Variants in PHF1 observed in about 807,000 individuals in gnomAD.
PHF1 encodes the protein PHD finger protein 1, also known as polycomb-like 1.
In PHF1, 16 loss-of-function variants were observed where a neutral mutation model predicts 69.4. The ratio of observed to expected loss-of-function variants is 0.23; its 90% CI spans 0.16 to 0.35. The LOEUF is 0.35. Among genes scored for constraint, PHF1 ranks in the 10% least tolerant of loss-of-function variants. The probability of loss-of-function intolerance (pLI) is 1.00; values close to 1 mark genes in which losing one functional copy is unlikely to be tolerated. For synonymous variants in PHF1, 274 were observed against 275.0 expected, an observed-to-expected ratio of 1.00 and a Z score of 0.04; for missense variants, 515 against 732.8, an observed-to-expected ratio of 0.70 and a Z score of 3.43.
rs751896764 is a variant in PHF1, at chr6:33,412,830, C to G, written c.337+37C>G. The G allele has an allele frequency of 3.2e-6, 5 of 1,551,054 alleles. No homozygotes were observed. The highest frequency in any genetic ancestry group is 2.7e-6 in the Non-Finnish European group (3 of 1,123,046). ...GGTCACCTGAATGGTCCAGCTTGCT[C>G]TTCCCTCCAGGATGGTCTCTATATC... On this transcript the variant is annotated intron_variant, in intron 4 of 14. Transcript: ENST00000374516. The surrounding 1 kb of genome is among the most constrained non-coding windows in gnomAD (Gnocchi z 4.2).
Position 33,415,031 on chromosome 6 carries a change from C to G in PHF1, c.1126C>G (p.Leu376Val). ...GKRRRPEPEP[L>V]RRRQKGKVEE... ...GCGCCGGAGGCCGGAGCCAGAGCCC[C>G]TGAGGAGGAGGCAGAAGGGGAAAGT... Residue 376 changes from leucine (L) to valine (V), a missense_variant, in exon 12 of 15, where the codon CTG becomes GTG. By Grantham distance (32) the Leu-to-Val change is conservative (BLOSUM62 1). Coordinates refer to ENST00000374516, the MANE Select transcript of PHF1 (RefSeq NM_024165.3). The G allele has an allele frequency of 6.3e-7, 1 of 1,585,566 alleles. No individual in the cohort carries two copies. Among genetic ancestry groups the G allele is most frequent in the African/African-American group, 1.4e-5 (1 of 74,018 alleles).
chr6:33,415,466 G>A (rs1187561375), intron 13 of PHF1, 124 bp from the exon 14 acceptor site: 7 of 1,241,700 alleles, frequency 5.6e-6, no homozygotes, highest in Middle Eastern at 2.1e-4. Context: ...TAGAACTAGT[G>A]TCTGGTAGCC....
Position 33,414,147 on chromosome 6 carries a change from A to T in PHF1, c.752+38A>T. 1 of 1,613,774 alleles carries T rather than the reference A, an allele frequency of 6.2e-7. No individual in the cohort carries two copies. ...GGGCATGACCTCAGTGTAACTCCAC[A>T]CCACAGTATTTCACTCTATATGCCC... On this transcript the variant is annotated intron_variant, in intron 8 of 14. Coordinates refer to ENST00000374516, the MANE Select transcript of PHF1 (RefSeq NM_024165.3). The surrounding 1 kb of genome is among the most constrained non-coding windows in gnomAD (Gnocchi z 5.0).
intron 1 of PHF1, among the ~76,000 whole-genome samples, chr6:33,411,565 A>G (rs1776065371): frequency 6.6e-6 from 1 of 152,212 alleles, no homozygotes; most frequent in Non-Finnish European, 1.5e-5. Flanking sequence ...TCTCTGGGCA[A>G]CAGGACACCC....
At position 33,414,090 on chromosome 6, in the gene PHF1, C is replaced by G; in HGVS notation, c.733C>G (p.Arg245Gly). ...GTGTCGCGGGGGCCCTGAGAAAGTC[C>G]GGAGACTACAGCTTCGCTGGTGAGC... Reference protein sequence around the residue: ...CVCRGGPEKVRRLQLRWVDVA... With the variant: ...CVCRGGPEKVGRLQLRWVDVA... Residue 245 changes from arginine to glycine, a missense_variant, in exon 8 of 15, where the codon CGG (arginine) becomes GGG (glycine). Arg to Gly is a moderately radical substitution (Grantham distance 125). Coordinates refer to ENST00000374516, the MANE Select transcript of PHF1 (RefSeq NM_024165.3). The surrounding 1 kb of genome is among the most constrained non-coding windows in gnomAD (Gnocchi z 5.0). 6.2e-7 allele frequency: 1 copy of G among 1,614,094 alleles called. No homozygotes were observed. Among genetic ancestry groups the G allele is most frequent in the Non-Finnish European group, 8.5e-7 (1 of 1,180,028 alleles).
In PHF1 at chr6:33,414,074, G is replaced by A. The variant is rs765206511; in HGVS notation, c.717G>A (p.Gly239=). 1.9e-6 allele frequency: 3 copies of A among 1,614,072 alleles called. No individual in the cohort carries two copies. The highest frequency in any genetic ancestry group is 2.5e-6 in the Non-Finnish European group (3 of 1,180,034). The change falls in exon 8 of 15, where the codon GGG becomes GGA. Residue 239 remains glycine (G), a synonymous_variant. Coordinates refer to ENST00000374516, the MANE Select transcript of PHF1 (RefSeq NM_024165.3). The surrounding 1 kb of genome is among the most constrained non-coding windows in gnomAD (Gnocchi z 5.0). The stretch of plus-strand genomic sequence containing the variant: ...AATTTGAATGCTGTGTGTGTCGCGG[G>A]GGCCCTGAGAAAGTCCGGAGACTAC... ...FYEFECCVCR[G]GPEKVRRLQL...
chr6:33,413,988 G>C (rs1434573950), intron 7 of PHF1, 53 bp from the exon 8 acceptor site: 1 of 1,607,006 alleles, frequency 6.2e-7, no homozygotes, highest in East Asian at 2.2e-5. Context: ...TCTTCCAGGG[G>C]ATGGCACAGT....
At chr6:33,413,349 C>G (rs1776219618) in intron 5 of PHF1, 53 bp downstream of exon 5, 2 of 1,611,474 alleles carry the variant, frequency 1.2e-6, no homozygotes, top group Non-Finnish European at 1.7e-6. Flanking sequence ...TCCACAGCCT[C>G]TCCCAAGCCT....
Position 33,414,495 on chromosome 6 carries a change from G to A in PHF1, c.895G>A (p.Gly299Arg), listed in dbSNP as rs753037757. The A allele has an allele frequency of 1.9e-6, 3 of 1,614,050 alleles. No homozygotes were observed. The Admixed American group carries it at 5.0e-5, about 27-fold the overall frequency. Reference protein sequence around the residue: ...LLGELSDTPKGERSSRLLSAL... With the variant: ...LLGELSDTPKRERSSRLLSAL... The stretch of plus-strand genomic sequence containing the variant: ...CTCCCAGCTTTCAGACACCCCCAAA[G>A]GAGAACGTTCTTCCAGGCTCCTCTC... The change falls in exon 10 of 15, where the codon GGA (glycine) becomes AGA (arginine). Residue 299 changes from glycine (G) to arginine (R), a missense_variant. Physicochemically the swap from Gly to Arg is moderately radical, Grantham distance 125. This residue lies in a region of PHF1 where 142 missense variants were observed against 309.7 expected (regional missense o/e 0.46). Coordinates refer to ENST00000374516, the MANE Select transcript of PHF1 (RefSeq NM_024165.3). This position sits in a 1 kb window ranked among gnomAD's most constrained non-coding sequence, Gnocchi z 5.0.
Position 33,414,549 on chromosome 6 carries a change from G to A in PHF1, c.944+5G>A. 1 of 1,613,792 alleles carries A rather than the reference G, an allele frequency of 6.2e-7. No individual in the cohort carries two copies. Among genetic ancestry groups the A allele is most frequent in the Non-Finnish European group, 8.5e-7 (1 of 1,179,690 alleles). On this transcript the variant is annotated splice_donor_5th_base_variant and intron_variant, in intron 10 of 14. Coordinates refer to ENST00000374516, the MANE Select transcript of PHF1 (RefSeq NM_024165.3). This position sits in a 1 kb window ranked among gnomAD's most constrained non-coding sequence, Gnocchi z 5.0. ...TCTTAACAGCCACAAGGACCGGTGA[G>A]TTGGAGGGAAGAGGAGGCAAGGATG... is the stretch of plus-strand genomic sequence containing the variant.
rs1776031155 is a variant in PHF1 at position 33,411,225 on chromosome 6, C to G, written c.-17+10C>G. Reference sequence around the variant, plus strand: ...GCCCCAGCTGTCACCGGTAAGGAGGCGGCAGGAGGCGCTGGTGGGGGGCAG... The same window carrying G: ...GCCCCAGCTGTCACCGGTAAGGAGGGGGCAGGAGGCGCTGGTGGGGGGCAG... On this transcript the variant is annotated intron_variant, in intron 1 of 14. Transcript: ENST00000374516. 6.6e-6 allele frequency: 1 copy of G among 152,120 alleles called. No homozygotes were observed. Among genetic ancestry groups the G allele is most frequent in the African/African-American group, 2.4e-5 (1 of 41,410 alleles). The allele number at this position is 152,120 out of a possible 1,614,324, so 9.4% of individuals were successfully genotyped here. A position where few individuals can be genotyped will look rare whatever the true frequency, so the allele number is the denominator to read the frequency against.
Position 33,413,311 on chromosome 6 carries a change from C to T in PHF1, c.438+15C>T, listed in dbSNP as rs370305108. 1.1e-5 allele frequency: 17 copies of T among 1,612,142 alleles called. No individual in the cohort carries two copies. The African/African-American group carries it at 1.2e-4, about 11-fold the overall frequency. ...TCGCCACCAAGGTAAAGGCACTTCCCTGTTACCCTTCCTGTGGGAGCCTCC... is the reference window on the plus strand; with the variant it reads ...TCGCCACCAAGGTAAAGGCACTTCCTTGTTACCCTTCCTGTGGGAGCCTCC... On this transcript the variant is annotated intron_variant, in intron 5 of 14. Transcript: ENST00000374516.
Position 33,416,124 on chromosome 6 carries a change from A to G in PHF1, c.*26A>G, listed in dbSNP as rs528546642. The G allele has an allele frequency of 6.6e-7, 1 of 1,509,388 alleles. No homozygotes were observed. The highest frequency in any genetic ancestry group is 8.8e-7 in the Non-Finnish European group (1 of 1,132,132). 93.5% of individuals were successfully genotyped at this position (1,509,388 alleles called of 1,614,324 possible). On this transcript the variant is annotated 3_prime_UTR_variant, in exon 15 of 15. Transcript: ENST00000374516. ...ACAGCCTGCCTCTGCCCAGCTCCCC[A>G]TTCACACACACCGGCACTTTCATAC... is the stretch of plus-strand genomic sequence containing the variant.
chr6:33,414,865 GGT>G lies in PHF1; in HGVS notation c.1049+39_1049+40del. 1.3e-6 allele frequency: 2 copies of G among 1,596,808 alleles called. No homozygotes were observed. The highest frequency in any genetic ancestry group is 1.7e-6 in the Non-Finnish European group (2 of 1,167,870). ...CAGGGGGGATGGGGGAAATTCTCAG[GGT>G]GTTAGTCCTGGGGGGTATATGTATA... On this transcript the variant is annotated intron_variant, in intron 11 of 14. Transcript: ENST00000374516. The surrounding 1 kb of genome is among the most constrained non-coding windows in gnomAD (Gnocchi z 5.0).
intron 4 of PHF1, 52 bp from the exon 5 acceptor site, chr6:33,413,144 A>C: frequency 1.4e-6 from 2 of 1,446,092 alleles, no homozygotes; most frequent in Non-Finnish European, 1.9e-6. Context: ...TTCCTGTCCC[A>C]ATACCAAGCA....
At chr6:33,410,829 T>A (rs1274488618), upstream of PHF1, 1 of 152,104 alleles carries the variant, frequency 6.6e-6, no homozygotes, top group African/African-American at 2.4e-5. Context: ...GTCCGACTCT[T>A]CGCTCCCCAA....
chr6:33,411,428 GC>G (rs144092437), intron 1 of PHF1, among the ~76,000 whole-genome samples: 1,806 of 152,284 alleles, frequency 0.012, 42 homozygotes, highest in African/African-American at 0.038. Flanking sequence ...GGGGCAGGGA[GC>G]CCCGAATTTG....
rs1225157820 is a variant in PHF1 at position 33,414,555 on chromosome 6, G to A, written c.944+11G>A. The stretch of plus-strand genomic sequence containing the variant: ...CAGCCACAAGGACCGGTGAGTTGGA[G>A]GGAAGAGGAGGCAAGGATGAGGCTC... On this transcript the variant is annotated intron_variant, in intron 10 of 14. Transcript: ENST00000374516. The surrounding 1 kb of genome is among the most constrained non-coding windows in gnomAD (Gnocchi z 5.0). The A allele has an allele frequency of 1.2e-6, 2 of 1,613,430 alleles. No individual in the cohort carries two copies. Among genetic ancestry groups the A allele is most frequent in the Admixed American group, 1.7e-5 (1 of 60,024 alleles).
In PHF1 at chr6:33,413,475, T is replaced by C; in HGVS notation, c.505T>C (p.Tyr169His). 1 of 1,614,140 alleles carries C rather than the reference T, an allele frequency of 6.2e-7. No homozygotes were observed. The highest frequency in any genetic ancestry group is 8.5e-7 in the Non-Finnish European group (1 of 1,180,014). Residue 169 changes from tyrosine (Y) to histidine (H), a missense_variant, in exon 6 of 15, where the codon TAT becomes CAT. This residue lies in a region of PHF1 where 142 missense variants were observed against 309.7 expected (regional missense o/e 0.46). Transcript: ENST00000374516. ...AMLGMKLSLP[Y>H]GLKGLDWDAG... ...GCTGGGTATGAAGCTTTCTCTGCCA[T>C]ATGGACTGAAGGGGCTGGACTGGGA...
Sources: gnomAD v4.1 joint callset for allele counts (sites outside exome capture counted in the v4.1 genomes callset) on GRCh38, gnomAD v4.1.1 for gene constraint, gnomAD v4.1.1 regional missense constraint, Gnocchi (gnomAD v3.1) non-coding constraint, MANE v1.5 for transcripts, NCBI Gene and HGNC (gene_info 2026-07-23, HGNC 2026-07-21) for gene names.